The following TCF7L2 variants were observed in gnomAD, a reference collection of about 807,000 sequenced individuals.
The protein encoded by TCF7L2 is transcription factor 7 like 2.
A neutral mutation model predicts 77.9 loss-of-function variants in TCF7L2; 23 were observed. The ratio of observed to expected loss-of-function variants is 0.30; its 90% CI spans 0.21 to 0.42. TCF7L2 has a LOEUF of 0.42. TCF7L2 is among the 10% of genes least tolerant of loss of function. The pLI, the probability that TCF7L2 is intolerant of heterozygous loss-of-function variation, is 1.00. For synonymous variants in TCF7L2, 413 were observed against 340.2 expected, an observed-to-expected ratio of 1.21 and a Z score of -2.36; for missense variants, 654 against 793.1, an observed-to-expected ratio of 0.82 and a Z score of 2.11.
intron 4 of TCF7L2, among the ~76,000 whole-genome samples, chr10:112,999,907 G>A (rs141322188): frequency 6.6e-6 from 1 of 152,162 alleles, no homozygotes; most frequent in African/African-American, 2.4e-5. Context: ...TGGCCATCTC[G>A]ATTTACCTCC....
intron 4 of TCF7L2, among the ~76,000 whole-genome samples, chr10:112,996,722 C>G (rs1211197800): frequency 6.6e-6 from 1 of 152,072 alleles, no homozygotes; most frequent in African/African-American, 2.4e-5. Flanking sequence ...AGTCAGAACC[C>G]AAAAGGGGCC....
At chr10:112,984,566 TA>T (rs957241769) in intron 4 of TCF7L2, among the ~76,000 whole-genome samples, 19 of 151,208 alleles carry the variant, frequency 1.3e-4, no homozygotes, top group East Asian at 9.7e-4. Flanking sequence ...CCCCTCCCTC[TA>T]AAAAAAAATT....
chr10:113,158,837 A>G, intron 12 of TCF7L2, 120 bp downstream of exon 13: 1 of 1,008,784 alleles, frequency 9.9e-7, no homozygotes, highest in South Asian at 1.7e-5. Flanking sequence ...TAAAATGACC[A>G]TCAACACGGT....
Position 113,166,978 on chromosome 10 carries a change from G to A in TCF7L2, c.*1006G>A. 2 of 231,476 alleles carry A rather than the reference G, an allele frequency of 8.6e-6. No individual in the cohort carries two copies. Among genetic ancestry groups the A allele is most frequent in the Non-Finnish European group, 1.7e-5 (2 of 116,940 alleles). The allele number at this position is 231,476 out of a possible 1,614,324, so 14.3% of individuals were successfully genotyped here. A position where few individuals can be genotyped will look rare whatever the true frequency, so the allele number is the denominator to read the frequency against. ...TTTTAGCGACACTGTCTGAGCAGCA[G>A]TGGGAACCATCTTCGTTTCCCCTTT... On this transcript the variant is annotated 3_prime_UTR_variant, in exon 14 of 14. Transcript: ENST00000627217.
At chr10:113,128,430 C>G (rs1003890039) in intron 5 of TCF7L2, among the ~76,000 whole-genome samples, 3 of 152,014 alleles carry the variant, frequency 2.0e-5, no homozygotes, top group Non-Finnish European at 4.4e-5. Flanking sequence ...AGACCTACAT[C>G]GTGAAAACAG....
At chr10:113,126,895 GCGGCGGGCGGGCGGGCA>G (rs2065727066) in intron 5 of TCF7L2, 83 of 985,432 alleles carry the variant, frequency 8.4e-5, no homozygotes, top group Non-Finnish European at 9.9e-5. Context: ...AGCGCGGCCG[GCGGCGGGCGGGCGGGCA>G]GGGGTGCGCG....
intron 4 of TCF7L2, among the ~76,000 whole-genome samples, chr10:112,999,020 G>C (rs4267006): frequency 6.6e-6 from 1 of 152,090 alleles, no homozygotes; most frequent in Non-Finnish European, 1.5e-5. Context: ...ATTAAAAAAA[G>C]TATTTTATTT....
chr10:113,133,604 T>C (rs1007649079), intron 5 of TCF7L2, among the ~76,000 whole-genome samples: 1 of 152,198 alleles, frequency 6.6e-6, no homozygotes, highest in African/African-American at 2.4e-5. Flanking sequence ...TGTGAGAGAA[T>C]TTGGATGAAA....
At chr10:113,141,347 G>T in intron 6 of TCF7L2, 31 bp downstream of exon 6, 1 of 1,613,906 alleles carries the variant, frequency 6.2e-7, no homozygotes, top group Non-Finnish European at 8.5e-7. Flanking sequence ...CCAAGGTAGA[G>T]TGCTGGTCCT....
intron 4 of TCF7L2, among the ~76,000 whole-genome samples, chr10:113,006,682 T>C (rs2045608310): frequency 6.6e-6 from 1 of 152,268 alleles, no homozygotes; most frequent in Non-Finnish European, 1.5e-5. Flanking sequence ...CAACTTCATA[T>C]GCATAGGATC....
rs141060651 is a variant in TCF7L2, at chr10:112,966,184, TTATATA to T, written c.450+1582_450+1587del. On this transcript the variant is annotated intron_variant, in intron 4 of 13. Transcript: ENST00000627217. The stretch of plus-strand genomic sequence containing the variant: ...GAGTGAGACTCTGTCTAAAATATAT[TTATATA>T]TATATATATATATATATATATTTTC... Among the ~76,000 whole-genome samples the T allele has an allele frequency of 5.0e-3, 571 of 114,218 alleles. 64 individuals carry two copies. The highest frequency in any genetic ancestry group is 0.025 in the African/African-American group (530 of 21,018). The allele number at this position is 114,218 out of a possible 152,430, so 74.9% of individuals were successfully genotyped here.
At chr10:113,074,263 T>C (rs914063768) in intron 5 of TCF7L2, among the ~76,000 whole-genome samples, 3 of 151,936 alleles carry the variant, frequency 2.0e-5, no homozygotes, top group African/African-American at 7.3e-5. Flanking sequence ...AGATCAGAGA[T>C]AAAAATATCA....
Position 113,160,093 on chromosome 10 carries a change from C to A in TCF7L2, c.1319-526C>A, listed in dbSNP as rs1406747831. On this transcript the variant is annotated intron_variant, in intron 12 of 13. Coordinates refer to ENST00000627217, the MANE Select transcript of TCF7L2 (RefSeq NM_001146274.2). ...TTGCTTTGTAGCTCTGTGTGTGGAT[C>A]TCAGGAGACACAGGGGAGTGGGACA... 6 of 1,061,810 alleles carry A rather than the reference C, an allele frequency of 5.7e-6. No individual in the cohort carries two copies. In the East Asian group the frequency reaches 9.8e-5, roughly 17 times the overall value. The allele number at this position is 1,061,810 out of a possible 1,614,324, so 65.8% of individuals were successfully genotyped here. A position where few individuals can be genotyped will look rare whatever the true frequency, so the allele number is the denominator to read the frequency against.
chr10:112,996,273 C>T (rs1388123711), intron 4 of TCF7L2, among the ~76,000 whole-genome samples: 5 of 151,972 alleles, frequency 3.3e-5, no homozygotes, highest in African/African-American at 9.6e-5. Flanking sequence ...ATATGGCGAC[C>T]GAAGTGATAT....
chr10:113,156,110 T>TAAGA, intron 11 of TCF7L2, among the ~76,000 whole-genome samples: 1 of 135,144 alleles, frequency 7.4e-6, no homozygotes, highest in Non-Finnish European at 1.5e-5. Flanking sequence ...CGAGTTTCTT[T>TAAGA]CTTTCTTTTT....
At chr10:113,096,032 G>A (rs2060931008) in intron 5 of TCF7L2, among the ~76,000 whole-genome samples, 1 of 152,192 alleles carries the variant, frequency 6.6e-6, no homozygotes. Flanking sequence ...CTCCCCTTTT[G>A]TAATGCTGTG....
intron 6 of TCF7L2, among the ~76,000 whole-genome samples, chr10:113,142,618 G>A (rs997084982): frequency 1.3e-5 from 2 of 152,196 alleles, no homozygotes; most frequent in Non-Finnish European, 2.9e-5. Context: ...GCCCCTGAAC[G>A]AAGCCACACA....
chr10:113,056,271 C>G (rs879645249), intron 5 of TCF7L2, among the ~76,000 whole-genome samples: 1 of 152,190 alleles, frequency 6.6e-6, no homozygotes, highest in African/African-American at 2.4e-5. Context: ...CCTTTCTGAC[C>G]ACAAAGCTCG....
intron 4 of TCF7L2, among the ~76,000 whole-genome samples, chr10:112,969,682 C>T (rs548856844): frequency 6.6e-6 from 1 of 152,090 alleles, no homozygotes; most frequent in African/African-American, 2.4e-5. Flanking sequence ...GGCCAATTGC[C>T]CAAGCTCCGG....
Sources: allele counts gnomAD v4.1 joint callset (sites outside exome capture counted in the v4.1 genomes callset), GRCh38; gene constraint gnomAD v4.1.1; transcripts MANE v1.5; gene names NCBI Gene and HGNC (gene_info 2026-07-23, HGNC 2026-07-21).